DGKB: variants seen among roughly 807,000 people sequenced by gnomAD.
DGKB encodes diacylglycerol kinase beta.
A neutral mutation model predicts 114.3 loss-of-function variants in DGKB; 67 were observed. The ratio of observed to expected loss-of-function variants is 0.59; its 90% CI spans 0.48 to 0.72. The LOEUF (loss-of-function observed/expected upper bound fraction) is 0.72, where lower values mean the gene tolerates loss of function less well. DGKB is among the 30% of genes least tolerant of loss of function. The pLI is 0.00. For synonymous variants in DGKB, 398 were observed against 323.1 expected (o/e 1.23, Z -2.49); for missense variants, 907 against 975.2 (o/e 0.93, Z 0.93).
chr7:14,661,151 C>T (rs1010656930), intron 13 of DGKB, among the ~76,000 whole-genome samples: 1 of 152,040 alleles, frequency 6.6e-6, no homozygotes, highest in Admixed American at 6.6e-5. Context: ...TGGGCAAGGA[C>T]TTCGTGTCTA....
At chr7:14,633,522 C>CATGG (rs1810150602) in intron 13 of DGKB, among the ~76,000 whole-genome samples, 1 of 151,770 alleles carries the variant, frequency 6.6e-6, no homozygotes, top group Non-Finnish European at 1.5e-5. Flanking sequence ...ATGAGCAAAC[C>CATGG]ATGGTACTTA....
chr7:14,453,074 A>G (rs1237034754), intron 21 of DGKB, among the ~76,000 whole-genome samples: 1 of 152,140 alleles, frequency 6.6e-6, no homozygotes, highest in East Asian at 1.9e-4. Context: ...AGTGATTACT[A>G]CGCTCCAGGC....
intron 21 of DGKB, among the ~76,000 whole-genome samples, chr7:14,471,060 T>C (rs1942995653): frequency 6.6e-6 from 1 of 151,070 alleles, no homozygotes; most frequent in African/African-American, 2.4e-5. Flanking sequence ...GGCAATTTTG[T>C]GTTCTATTAC....
intron 21 of DGKB, among the ~76,000 whole-genome samples, chr7:14,455,143 T>C (rs117466824): frequency 0.021 from 3,221 of 152,166 alleles, 71 homozygotes; most frequent in Admixed American, 0.041. Flanking sequence ...TGTATTTCTT[T>C]ATGACAACCA....
At chr7:14,530,845 A>G (rs1791469028) in intron 20 of DGKB, among the ~76,000 whole-genome samples, 1 of 151,624 alleles carries the variant, frequency 6.6e-6, no homozygotes, top group Non-Finnish European at 1.5e-5. Context: ...AGAAAATGTC[A>G]TGAATGAATA....
At chr7:14,552,697 T>C (rs1321432279) in intron 20 of DGKB, among the ~76,000 whole-genome samples, 1 of 152,204 alleles carries the variant, frequency 6.6e-6, no homozygotes, top group Non-Finnish European at 1.5e-5. Context: ...GACTACACTT[T>C]TAGCACATTA....
chr7:14,644,092 A>G (rs1812416213), intron 13 of DGKB, among the ~76,000 whole-genome samples: 1 of 150,848 alleles, frequency 6.6e-6, no homozygotes, highest in Non-Finnish European at 1.5e-5. Flanking sequence ...AGAAAATCAC[A>G]TATGCTACTG....
At chr7:14,472,086 G>A (rs1781502157) in intron 21 of DGKB, among the ~76,000 whole-genome samples, 1 of 152,268 alleles carries the variant, frequency 6.6e-6, no homozygotes, top group East Asian at 1.9e-4. Context: ...CTAGTAAAAT[G>A]GTTTTAGGTG....
chr7:14,237,808 GT>G (rs541677539), intron 23 of DGKB, among the ~76,000 whole-genome samples: 21 of 151,834 alleles, frequency 1.4e-4, no homozygotes, highest in African/African-American at 3.6e-4. Context: ...CAAGACGTTT[GT>G]TTTTTATTTT....
intron 1 of DGKB, among the ~76,000 whole-genome samples, chr7:14,911,608 C>A (rs1010271000): frequency 1.3e-5 from 2 of 152,084 alleles, no homozygotes; most frequent in East Asian, 1.9e-4. Flanking sequence ...TGATAAATCT[C>A]TTCTTTTTCT....
chr7:14,873,227 A>G (rs1352576330), intron 1 of DGKB, among the ~76,000 whole-genome samples: 1 of 152,140 alleles, frequency 6.6e-6, no homozygotes, highest in Non-Finnish European at 1.5e-5. Flanking sequence ...CATAAGGTCA[A>G]TGGGGCTAGC....
Position 14,146,584 on chromosome 7 carries a change from A to G in DGKB, c.*2547T>C, listed in dbSNP as rs1376615240. 6 of 152,184 alleles carry G rather than the reference A, an allele frequency of 3.9e-5. No homozygotes were observed. The East Asian group carries it at 1.2e-3, about 29-fold the overall frequency. The allele number at this position is 152,184 out of a possible 1,614,324, so 9.4% of individuals were successfully genotyped here. On this transcript the variant is annotated 3_prime_UTR_variant, in exon 26 of 26. Transcript: ENST00000402815. Reference sequence around the variant, plus strand: ...TATATTTTTCATATGAAGCTGTCATAAAACTGATGAGAATATCTTCTCTGA... The same window carrying G: ...TATATTTTTCATATGAAGCTGTCATGAAACTGATGAGAATATCTTCTCTGA...
chr7:14,843,650 G>C (rs1024880077), intron 1 of DGKB, among the ~76,000 whole-genome samples: 1 of 152,220 alleles, frequency 6.6e-6, no homozygotes, highest in Non-Finnish European at 1.5e-5. Flanking sequence ...TTTTTTTAAA[G>C]TCAAGGATTA....
intron 23 of DGKB, among the ~76,000 whole-genome samples, chr7:14,284,974 C>A (rs1039562443): frequency 6.6e-6 from 1 of 151,220 alleles, no homozygotes; most frequent in African/African-American, 2.4e-5. Context: ...AACTAACCTG[C>A]ACAATGTGCA....
chr7:14,786,674 A>C (rs1839945241), intron 2 of DGKB, among the ~76,000 whole-genome samples: 1 of 152,214 alleles, frequency 6.6e-6, no homozygotes, highest in Non-Finnish European at 1.5e-5. Context: ...ATTTCCGAGC[A>C]AAGTTGTGGC....
chr7:14,896,600 T>C (rs934599393), intron 1 of DGKB, among the ~76,000 whole-genome samples: 5 of 151,768 alleles, frequency 3.3e-5, no homozygotes, highest in Non-Finnish European at 7.4e-5. Context: ...GCTAATATTT[T>C]TTAATGTTTA....
rs1016684135 is a variant in DGKB, at chr7:14,360,554, G to A, written c.1836-15163C>T. Among the ~76,000 whole-genome samples the A allele has an allele frequency of 2.0e-5, 3 of 151,880 alleles. No homozygotes were observed. In the East Asian group the frequency reaches 5.8e-4, roughly 29 times the overall value. ...TTTCAGGGAAGTTAATTTAATGTAG[G>A]TGTTGCAGTAGACTTCAAAGACAGC... On this transcript the variant is annotated intron_variant, in intron 21 of 25. Coordinates refer to ENST00000402815, the MANE Select transcript of DGKB (RefSeq NM_001350709.2).
At chr7:14,202,336 G>A (rs1384827926) in intron 23 of DGKB, among the ~76,000 whole-genome samples, 1 of 151,900 alleles carries the variant, frequency 6.6e-6, no homozygotes, top group Non-Finnish European at 1.5e-5. Context: ...TTCTTCCCAT[G>A]ATATCATAAT....
intron 20 of DGKB, among the ~76,000 whole-genome samples, chr7:14,491,692 T>C (rs1784619535): frequency 6.6e-6 from 1 of 152,168 alleles, no homozygotes; most frequent in Non-Finnish European, 1.5e-5. Context: ...TTTTATTTAA[T>C]TAACGATTTA....
Sources: gnomAD v4.1 joint callset for allele counts (sites outside exome capture counted in the v4.1 genomes callset) on GRCh38, gnomAD v4.1.1 for gene constraint, MANE v1.5 for transcripts, NCBI Gene and HGNC (gene_info 2026-07-23, HGNC 2026-07-21) for gene names.